Variants in NKD2 observed in about 807,000 individuals in gnomAD.
NKD2 encodes NKD inhibitor of Wnt signaling pathway 2.
Under a neutral mutation model 34.8 loss-of-function variants are expected in NKD2, and 43 were observed. The ratio of observed to expected loss-of-function variants is 1.24; its 90% CI spans 0.97 to 1.60. The LOEUF (loss-of-function observed/expected upper bound fraction) is 1.60. NKD2 is among the 40% of genes most tolerant of loss of function. The pLI, the probability that NKD2 is intolerant of heterozygous loss-of-function variation, is 0.00. For synonymous variants in NKD2, 278 were observed against 265.1 expected (o/e 1.05, Z -0.47); for missense variants, 675 against 627.1 (o/e 1.08, Z -0.82).
chr5:1,027,419 C>G (rs979304226), intron 3 of NKD2, among the ~76,000 whole-genome samples: 4 of 152,310 alleles, frequency 2.6e-5, no homozygotes, highest in African/African-American at 9.6e-5. Flanking sequence ...ACCCGGGAGC[C>G]CCGAGGTCTG....
intron 7 of NKD2, 67 bp from the exon 8 acceptor site, chr5:1,035,322 G>A (rs191970085): frequency 1.3e-5 from 16 of 1,231,874 alleles, no homozygotes; most frequent in South Asian, 1.2e-4. Flanking sequence ...TAATGAATGA[G>A]TGAATGAATG....
rs75990199 is a variant in NKD2, at chr5:1,036,402, C to G, written c.787+18C>G. Reference sequence around the variant, plus strand: ...CGGCCCTGGTAGGTCCTGGAGGCCACCCTGGGCGTGAGGCCCTGGCTGTGG... The same window carrying G: ...CGGCCCTGGTAGGTCCTGGAGGCCAGCCTGGGCGTGAGGCCCTGGCTGTGG... On this transcript the variant is annotated intron_variant, in intron 9 of 9. Coordinates refer to ENST00000296849, the MANE Select transcript of NKD2 (RefSeq NM_033120.4). 35,180 of 1,606,218 alleles carry G rather than the reference C, an allele frequency of 0.022. 2,236 individuals are homozygous for G. Among genetic ancestry groups the G allele is most frequent in the African/African-American group, 0.17 (12,866 of 74,762 alleles).
intron 3 of NKD2, among the ~76,000 whole-genome samples, chr5:1,019,385 T>G (rs1051645306): frequency 2.0e-5 from 3 of 152,162 alleles, no homozygotes; most frequent in African/African-American, 7.2e-5. Flanking sequence ...CTCACCGCTC[T>G]CCCCTGAGAG....
rs772496991 is a variant in NKD2 at position 1,035,138 on chromosome 5, T to TAATG, written c.575-241_575-238dup. Among the ~76,000 whole-genome samples, 17 of 148,824 alleles carry TAATG rather than the reference T, an allele frequency of 1.1e-4. No homozygotes were observed. The East Asian group carries it at 2.3e-3, about 20-fold the overall frequency. On this transcript the variant is annotated intron_variant, in intron 7 of 9. Transcript: ENST00000296849. ...TTAATGAATGAGTGAACAAGTGAGT[T>TAATG]AATGAATGAATGAGTTAATGAATGA...
chr5:1,026,686 C>G (rs912881049), intron 3 of NKD2, among the ~76,000 whole-genome samples: 1 of 152,238 alleles, frequency 6.6e-6, no homozygotes, highest in East Asian at 1.9e-4. Flanking sequence ...AGCTCCAGCC[C>G]GTGTGCCATA....
At chr5:1,031,931 T>C (rs923831335) in intron 3 of NKD2, among the ~76,000 whole-genome samples, 5 of 152,158 alleles carry the variant, frequency 3.3e-5, no homozygotes, top group Non-Finnish European at 7.4e-5. Context: ...TGGAAATGCT[T>C]TGGGGAACCT....
At chr5:1,029,518 TG>T (rs1349406120) in intron 3 of NKD2, among the ~76,000 whole-genome samples, 1 of 152,198 alleles carries the variant, frequency 6.6e-6, no homozygotes, top group African/African-American at 2.4e-5. Flanking sequence ...TGTCACCCTG[TG>T]CATTTACACT....
Position 1,038,090 on chromosome 5 carries a change from C to T in NKD2, c.1073C>T (p.Pro358Leu), listed in dbSNP as rs182715653. 1.1e-4 allele frequency: 181 copies of T among 1,605,570 alleles called. No homozygotes were observed. The highest frequency in any genetic ancestry group is 6.5e-4 in the African/African-American group (49 of 74,924). ...KSGKAFSYYL[P>L]AVLPPQAPQD... is the part of the protein sequence containing the mutation. ...GGGAAAGCCTTCAGCTACTACCTGC[C>T]GGCCGTCCTGCCGCCCCAGGCCCCT... Residue 358 changes from proline (P) to leucine (L), a missense_variant, in exon 10 of 10, where the codon CCG becomes CTG. By Grantham distance (98) the Pro-to-Leu change is moderately conservative. Coordinates refer to ENST00000296849, the MANE Select transcript of NKD2 (RefSeq NM_033120.4). This position sits in a 1 kb window ranked among gnomAD's most constrained non-coding sequence, Gnocchi z 4.5.
chr5:1,017,626 A>G (rs1405263103), intron 3 of NKD2, among the ~76,000 whole-genome samples: 2 of 151,968 alleles, frequency 1.3e-5, no homozygotes, highest in African/African-American at 4.8e-5. Context: ...TGAGTCCCGG[A>G]GCCAGGACCC....
At chr5:1,019,349 C>T (rs769251366) in intron 3 of NKD2, among the ~76,000 whole-genome samples, 3 of 152,210 alleles carry the variant, frequency 2.0e-5, no homozygotes, top group Non-Finnish European at 2.9e-5. Context: ...CTTCTCTGAA[C>T]AATTTTTACC....
chr5:1,037,325 G>A (rs561978951), intron 9 of NKD2, among the ~76,000 whole-genome samples: 12 of 152,270 alleles, frequency 7.9e-5, no homozygotes, highest in Admixed American at 5.9e-4. Context: ...GGCTCAGTGC[G>A]CTGTGTGCTG....
chr5:1,029,792 G>A (rs1334376135), intron 3 of NKD2, among the ~76,000 whole-genome samples: 5 of 152,190 alleles, frequency 3.3e-5, no homozygotes, highest in Non-Finnish European at 7.3e-5. Context: ...TTTCCAGGAA[G>A]CCACTGCTGC....
At chr5:1,037,050 G>T in intron 9 of NKD2, 3 of 380,934 alleles carry the variant, frequency 7.9e-6, no homozygotes, top group Non-Finnish European at 1.0e-5. Flanking sequence ...TGTGGACGGC[G>T]GGCAGTGTGG....
At chr5:1,028,069 G>A (rs866044754) in intron 3 of NKD2, among the ~76,000 whole-genome samples, 74 of 152,316 alleles carry the variant, frequency 4.9e-4, no homozygotes, top group Middle Eastern at 3.4e-3. Context: ...GGTTTTGTGA[G>A]CGTCTCTCCG....
At position 1,017,681 on chromosome 5, in the gene NKD2, G is replaced by A. The variant is rs558211326; in HGVS notation, c.141+8121G>A. Among the ~76,000 whole-genome samples the A allele has an allele frequency of 2.1e-3, 320 of 152,342 alleles. 3 individuals are homozygous for A. Among genetic ancestry groups the A allele is most frequent in the African/African-American group, 7.4e-3 (309 of 41,574 alleles). On this transcript the variant is annotated intron_variant, in intron 3 of 9. Coordinates refer to ENST00000296849, the MANE Select transcript of NKD2 (RefSeq NM_033120.4). ...AGAGCCCACAGCCCCCCACCACGGG[G>A]CCGCCCTGCAGCCCCAGGGCCTGAG...
chr5:1,028,408 C>T (rs1208528690), intron 3 of NKD2, among the ~76,000 whole-genome samples: 1 of 152,174 alleles, frequency 6.6e-6, no homozygotes, highest in South Asian at 2.1e-4. Flanking sequence ...GTCAGACCCT[C>T]CTCCCAAATC....
rs369906811 is a variant in NKD2, at chr5:1,029,318, G to A, written c.142-2834G>A. On this transcript the variant is annotated intron_variant, in intron 3 of 9. Transcript: ENST00000296849. ...GGAACTCAGTCATGGGCTGGTTGGTGTAGTATTGGCTGGTTGATACAGCGT... is the reference window on the plus strand; with the variant it reads ...GGAACTCAGTCATGGGCTGGTTGGTATAGTATTGGCTGGTTGATACAGCGT... Among the ~76,000 whole-genome samples the A allele has an allele frequency of 3.3e-5, 5 of 152,346 alleles. No homozygotes were observed. The East Asian group carries it at 9.6e-4, about 29-fold the overall frequency.
At chr5:1,037,723 C>A in intron 9 of NKD2, 82 bp from the exon 10 acceptor site, 1 of 1,566,050 alleles carries the variant, frequency 6.4e-7, no homozygotes, top group Non-Finnish European at 8.6e-7. Context: ...GCAGCTCTTC[C>A]AGTGGGCCCT....
Position 1,018,836 on chromosome 5 carries a change from G to T in NKD2, c.141+9276G>T, listed in dbSNP as rs6867712. On this transcript the variant is annotated intron_variant, in intron 3 of 9. Transcript: ENST00000296849. ...GAAGCCGCCCCAGAGGCCCATTCTC[G>T]GGGTCTGTTTGCCTGTCGTGGGGAG... Among the ~76,000 whole-genome samples the T allele has an allele frequency of 1.0e-3, 153 of 152,200 alleles. 1 individual carries two copies. Among genetic ancestry groups the T allele is most frequent in the African/African-American group, 3.2e-3 (133 of 41,542 alleles).
Sources: gnomAD v4.1 joint callset for allele counts (sites outside exome capture counted in the v4.1 genomes callset) on GRCh38, gnomAD v4.1.1 for gene constraint, Gnocchi (gnomAD v3.1) non-coding constraint, MANE v1.5 for transcripts, NCBI Gene and HGNC (gene_info 2026-07-23, HGNC 2026-07-21) for gene names.